The following ASS1 variants were observed in gnomAD, a reference collection of about 807,000 sequenced individuals.
ASS1 encodes the protein argininosuccinate synthase 1, also known as argininosuccinate synthase.
A neutral mutation model predicts 60.5 loss-of-function variants in ASS1; 58 were observed. The ratio of observed to expected loss-of-function variants is 0.96; its 90% CI spans 0.78 to 1.19. The LOEUF (loss-of-function observed/expected upper bound fraction) is 1.19, where lower values mean the gene tolerates loss of function less well. Among genes scored for constraint, ASS1 ranks in the 50% most tolerant of loss-of-function variants. ASS1 has a pLI of 0.00. For missense variants in ASS1, 454 were observed against 547.3 expected, an observed-to-expected ratio of 0.83 and a Z score of 1.70; for synonymous variants, 200 against 206.9, an observed-to-expected ratio of 0.97 and a Z score of 0.29.
rs1258545594 is a variant in ASS1, at chr9:130,452,348, TG to T, written c.105+18del. On this transcript the variant is annotated intron_variant, in intron 2 of 14. Coordinates refer to ENST00000352480, the MANE Select transcript of ASS1 (RefSeq NM_054012.4). ...TTGCCTATCTGGTGAGGGAGCGACC[TG>T]GGTGTCTGTCTTCCTGCGTGTCCTG... 2 of 1,607,182 alleles carry T rather than the reference TG, an allele frequency of 1.2e-6. No individual in the cohort carries two copies. The highest frequency in any genetic ancestry group is 2.2e-5 in the East Asian group (1 of 44,836).
chr9:130,466,571 G>A (rs1845747888), intron 5 of ASS1, 154 bp from the exon 6 acceptor site: 2 of 726,702 alleles, frequency 2.8e-6, no homozygotes, highest in Non-Finnish European at 4.8e-6. Flanking sequence ...CCTCCTTCAT[G>A]GGGCTCCCTC....
intron 8 of ASS1, among the ~76,000 whole-genome samples, chr9:130,475,285 A>G (rs1845986489): frequency 6.6e-6 from 1 of 152,172 alleles, no homozygotes; most frequent in Non-Finnish European, 1.5e-5. Flanking sequence ...CCACCTGCAG[A>G]GCATGTTCCC....
At chr9:130,461,511 C>T (rs1244552143) in intron 4 of ASS1, among the ~76,000 whole-genome samples, 1 of 152,166 alleles carries the variant, frequency 6.6e-6, no homozygotes, top group Non-Finnish European at 1.5e-5. Flanking sequence ...TTGGGGGCGT[C>T]CCTGCATTCA....
rs1846744043 is a variant in ASS1, at chr9:130,501,049, T to C, written c.*28T>C. The C allele has an allele frequency of 1.2e-6, 2 of 1,602,800 alleles. No individual in the cohort carries two copies. The highest frequency in any genetic ancestry group is 8.5e-7 in the Non-Finnish European group (1 of 1,173,096). ...CCGTGTACAATGAGGAGCTGGGGCC[T>C]CCTCAATTTGCAGATCCCCCAAGTA... is the stretch of plus-strand genomic sequence containing the variant. On this transcript the variant is annotated 3_prime_UTR_variant, in exon 15 of 15. Coordinates refer to ENST00000352480, the MANE Select transcript of ASS1 (RefSeq NM_054012.4).
Position 130,488,476 on chromosome 9 carries a change from T to C in ASS1, c.839-857T>C, listed in dbSNP as rs1288211043. 6.6e-6 allele frequency among the ~76,000 whole-genome samples: 1 copy of C among 152,220 alleles called. No individual in the cohort carries two copies. Among genetic ancestry groups the C allele is most frequent in the Admixed American group, 6.5e-5 (1 of 15,286 alleles). On this transcript the variant is annotated intron_variant, in intron 11 of 14. Transcript: ENST00000352480. The surrounding 1 kb of genome is among the most constrained non-coding windows in gnomAD (Gnocchi z 5.2). The stretch of plus-strand genomic sequence containing the variant: ...TGTGTGCTGTGGGCGGTCCTGCCTC[T>C]TGGTGCCCCACTGTCCTCCAATGCA...
chr9:130,467,322 G>A (rs549524605), intron 6 of ASS1, among the ~76,000 whole-genome samples: 1 of 152,290 alleles, frequency 6.6e-6, no homozygotes, highest in East Asian at 1.9e-4. Context: ...TGAAGTACAA[G>A]TTGCAATAAA....
In ASS1 at chr9:130,470,987, GACCCC is replaced by G; in HGVS notation, c.566+84_566+88del. 1 of 1,504,684 alleles carries G rather than the reference GACCCC, an allele frequency of 6.6e-7. No homozygotes were observed. Among genetic ancestry groups the G allele is most frequent in the Non-Finnish European group, 9.2e-7 (1 of 1,083,048 alleles). 93.2% of individuals were successfully genotyped at this position (1,504,684 alleles called of 1,614,324 possible). ...ACGCGCTGCCCCAGGACGTCCTGGTGACCCCCACACCAGTGGTCCCTGCCCTCGGG... is the reference window on the plus strand; with the variant it reads ...ACGCGCTGCCCCAGGACGTCCTGGTGCACACCAGTGGTCCCTGCCCTCGGG... On this transcript the variant is annotated intron_variant, in intron 7 of 14. Transcript: ENST00000352480. This position sits in a 1 kb window ranked among gnomAD's most constrained non-coding sequence, Gnocchi z 4.3.
chr9:130,483,493 TCATTATCA>T (rs1417534604), intron 11 of ASS1, among the ~76,000 whole-genome samples: 2 of 149,970 alleles, frequency 1.3e-5, no homozygotes, highest in Non-Finnish European at 3.0e-5. Flanking sequence ...TGTTCACATG[TCATTATCA>T]CATTATCTTT....
intron 4 of ASS1, among the ~76,000 whole-genome samples, chr9:130,462,375 C>T (rs1000952921): frequency 2.6e-5 from 4 of 152,146 alleles, no homozygotes; most frequent in East Asian, 3.9e-4. Flanking sequence ...TCCTTCTCCC[C>T]GGAAAGCTGC....
chr9:130,496,097 G>A (rs1404203575), intron 13 of ASS1, among the ~76,000 whole-genome samples: 1 of 152,106 alleles, frequency 6.6e-6, no homozygotes, highest in African/African-American at 2.4e-5. Context: ...GGCCAAGAGA[G>A]ACTGCCTAGG....
chr9:130,500,805 T>C (rs1255547995), intron 14 of ASS1, among the ~76,000 whole-genome samples, 171 bp from the exon 15 acceptor site: 1 of 152,076 alleles, frequency 6.6e-6, no homozygotes, highest in Non-Finnish European at 1.5e-5. Flanking sequence ...ATTATCCTGA[T>C]TGGAGGGCAG....
chr9:130,495,720 G>T (rs1051847693), intron 13 of ASS1, among the ~76,000 whole-genome samples: 4 of 152,072 alleles, frequency 2.6e-5, no homozygotes, highest in Non-Finnish European at 4.4e-5. Context: ...GTGGGAGGTG[G>T]AAGGGCACCT....
At chr9:130,454,878 CCCAT>C (rs1438157984) in intron 3 of ASS1, among the ~76,000 whole-genome samples, 1 of 147,890 alleles carries the variant, frequency 6.8e-6, no homozygotes, top group Non-Finnish European at 1.5e-5. Flanking sequence ...CATCCATCCA[CCCAT>C]CCATCCATCA....
intron 9 of ASS1, among the ~76,000 whole-genome samples, chr9:130,479,102 GC>G (rs202214997): frequency 6.7e-6 from 1 of 148,334 alleles, no homozygotes; most frequent in African/African-American, 2.5e-5. Flanking sequence ...CCCACCCACT[GC>G]CCCCACCCAA....
intron 8 of ASS1, among the ~76,000 whole-genome samples, chr9:130,475,221 G>A (rs1215972): frequency 0.72 from 109,102 of 152,100 alleles, 42,455 homozygotes; most frequent in Non-Finnish European, 0.88. Context: ...CATGCAGAAT[G>A]AGGAGGAGGC....
At chr9:130,487,658 G>A (rs1002043109) in intron 11 of ASS1, among the ~76,000 whole-genome samples, 10 of 151,970 alleles carry the variant, frequency 6.6e-5, no homozygotes, top group Admixed American at 1.3e-4. Flanking sequence ...GAGGGACCTC[G>A]CATGAGTGGA....
chr9:130,452,141 G>T, intron 1 of ASS1, 83 bp from the exon 2 acceptor site: 1 of 1,226,356 alleles, frequency 8.2e-7, no homozygotes. Flanking sequence ...CAAGGCCAAG[G>T]TCGGGGCTGG....
rs1441776706 is a variant in ASS1 at position 130,470,693 on chromosome 9, G to A, written c.496-141G>A. ...AGGGTCCCCCCAGGGAGGTGACCGT[G>A]ACCAACACTAGGAGGTAGCCAGGGT... On this transcript the variant is annotated intron_variant, in intron 6 of 14. Coordinates refer to ENST00000352480, the MANE Select transcript of ASS1 (RefSeq NM_054012.4). The surrounding 1 kb of genome is among the most constrained non-coding windows in gnomAD (Gnocchi z 4.3). The A allele has an allele frequency of 1.2e-6, 1 of 851,828 alleles. No homozygotes were observed. The highest frequency in any genetic ancestry group is 2.0e-6 in the Non-Finnish European group (1 of 497,380). The allele number at this position is 851,828 out of a possible 1,614,324, so 52.8% of individuals were successfully genotyped here.
chr9:130,447,209 G>A (rs1056184837), intron 1 of ASS1, among the ~76,000 whole-genome samples: 1 of 152,220 alleles, frequency 6.6e-6, no homozygotes, highest in Admixed American at 6.5e-5. Context: ...TCTCCTAGGA[G>A]CCAGGGAGTG....
Sources: gnomAD v4.1 joint callset for allele counts (sites outside exome capture counted in the v4.1 genomes callset) on GRCh38, gnomAD v4.1.1 for gene constraint, Gnocchi (gnomAD v3.1) non-coding constraint, MANE v1.5 for transcripts, NCBI Gene and HGNC (gene_info 2026-07-23, HGNC 2026-07-21) for gene names.